GPHN: variants seen among roughly 807,000 people sequenced by gnomAD.
GPHN encodes gephyrin.
In GPHN, 17 loss-of-function variants were observed where a neutral mutation model predicts 95.5. The ratio of observed to expected loss-of-function variants is 0.18; its 90% CI spans 0.12 to 0.27. The LOEUF (loss-of-function observed/expected upper bound fraction) is 0.27, where lower values mean the gene tolerates loss of function less well. GPHN is among the 10% of genes least tolerant of loss of function. The pLI, the probability that GPHN is intolerant of heterozygous loss-of-function variation, is 1.00. For missense variants in GPHN, 660 were observed against 978.1 expected (o/e 0.67, Z 4.34); for synonymous variants, 320 against 322.5 (o/e 0.99, Z 0.08).
At chr14:67,046,630 A>G (rs1352269805) in intron 10 of GPHN, among the ~76,000 whole-genome samples, 1 of 152,164 alleles carries the variant, frequency 6.6e-6, no homozygotes, top group Non-Finnish European at 1.5e-5. Context: ...GAACTTCCAT[A>G]TTTTTTAATC....
chr14:66,645,131 T>A (rs1201103027), intron 1 of GPHN, among the ~76,000 whole-genome samples: 3 of 152,182 alleles, frequency 2.0e-5, no homozygotes, highest in African/African-American at 7.2e-5. Context: ...TTGTAATTTT[T>A]AATTGCTTCT....
intron 1 of GPHN, among the ~76,000 whole-genome samples, chr14:66,642,661 A>G (rs973515685): frequency 1.3e-5 from 2 of 151,484 alleles, no homozygotes; most frequent in Non-Finnish European, 2.9e-5. Context: ...TTTGAGCTGC[A>G]AAGTTTGTTC....
intron 18 of GPHN, among the ~76,000 whole-genome samples, chr14:67,144,250 A>AATATATATATATATATATAT (rs71129810): frequency 1.7e-5 from 1 of 57,768 alleles, no homozygotes; most frequent in Non-Finnish European, 2.9e-5. Context: ...AAAAAAAAAA[A>AATATATATATATATATATAT]ATATATATAT....
intron 9 of GPHN, among the ~76,000 whole-genome samples, chr14:67,004,407 G>A (rs1469586107): frequency 6.6e-6 from 1 of 151,680 alleles, no homozygotes; most frequent in African/African-American, 2.4e-5. Flanking sequence ...AGTAGATATT[G>A]CCATATTAAG....
intron 21 of GPHN, among the ~76,000 whole-genome samples, chr14:67,172,315 T>C (rs2082644950): frequency 6.6e-6 from 1 of 152,126 alleles, no homozygotes; most frequent in Non-Finnish European, 1.5e-5. Flanking sequence ...AAACAGTATC[T>C]TGGCTGCTCA....
At chr14:67,389,698 A>G in the GPHN span, among the ~76,000 whole-genome samples, 6 of 151,552 alleles carry the variant, frequency 4.0e-5, no homozygotes, top group African/African-American at 1.5e-4. Context: ...GAGACAGCAG[A>G]CTCATCAGGG....
At position 66,922,787 on chromosome 14, in the gene GPHN, T is replaced by C; in HGVS notation, c.578T>C (p.Leu193Pro). The change falls in exon 7 of 23, where the codon CTT (leucine) becomes CCT (proline). Residue 193 changes from leucine to proline, a missense_variant. Leu to Pro is a moderately conservative substitution (Grantham distance 98). Transcript: ENST00000478722. The part of the protein sequence containing the change: ...LEDLPSPPPP[L>P]SPPPTTSPHK... The stretch of plus-strand genomic sequence containing the variant: ...GATTTGCCTTCCCCACCTCCCCCTC[T>C]TTCCCCTCCTCCTACTACCAGCCCC... The C allele has an allele frequency of 6.2e-7, 1 of 1,609,350 alleles. No homozygotes were observed. Among genetic ancestry groups the C allele is most frequent in the South Asian group, 1.1e-5 (1 of 90,966 alleles).
the GPHN span, chr14:67,447,331 C>T: frequency 2.6e-5 from 4 of 152,236 alleles, no homozygotes; most frequent in South Asian, 8.3e-4. Flanking sequence ...TTCCTAATAC[C>T]ATCAGCTTGG....
intron 8 of GPHN, among the ~76,000 whole-genome samples, chr14:66,940,121 G>A (rs1409757065): frequency 3.9e-5 from 6 of 151,956 alleles, no homozygotes; most frequent in African/African-American, 1.4e-4. Context: ...ATCAGTTTAA[G>A]GTTTGGGAAA....
At chr14:66,577,156 A>G (rs1039920645) in intron 1 of GPHN, among the ~76,000 whole-genome samples, 6 of 152,182 alleles carry the variant, frequency 3.9e-5, no homozygotes, top group African/African-American at 1.2e-4. Flanking sequence ...ATTTCTAACT[A>G]ACTCCCAGAT....
chr14:67,537,747 C>T, the GPHN span, among the ~76,000 whole-genome samples: 1 of 152,180 alleles, frequency 6.6e-6, no homozygotes, highest in Non-Finnish European at 1.5e-5. Flanking sequence ...GATCCCAGGT[C>T]AAATTTGTGT....
At chr14:66,887,293 A>G (rs530717866) in intron 5 of GPHN, among the ~76,000 whole-genome samples, 2 of 152,190 alleles carry the variant, frequency 1.3e-5, no homozygotes, top group Admixed American at 6.5e-5. Context: ...AAGCCTCACT[A>G]AAAGACTGAG....
At chr14:67,690,026 A>G in the GPHN span, 6 of 577,096 alleles carry the variant, frequency 1.0e-5, no homozygotes, top group Non-Finnish European at 1.9e-5. Context: ...TCAAAGTCAG[A>G]GTCTCACTGT....
At chr14:66,825,756 A>C (rs1369052400) in intron 4 of GPHN, among the ~76,000 whole-genome samples, 6 of 152,202 alleles carry the variant, frequency 3.9e-5, no homozygotes, top group Admixed American at 3.9e-4. Flanking sequence ...TTTGGCTTTT[A>C]AAGCAATCAA....
At chr14:66,766,376 A>G (rs1268466493) in intron 2 of GPHN, among the ~76,000 whole-genome samples, 3 of 152,152 alleles carry the variant, frequency 2.0e-5, no homozygotes, top group African/African-American at 4.8e-5. Flanking sequence ...CCCTAGAAGG[A>G]CTACACTTTA....
At chr14:66,811,316 A>G (rs934140349) in intron 3 of GPHN, among the ~76,000 whole-genome samples, 1 of 152,094 alleles carries the variant, frequency 6.6e-6, no homozygotes, top group Non-Finnish European at 1.5e-5. Flanking sequence ...AAAAGAAAGG[A>G]TTTGTCATTC....
chr14:66,889,892 G>A (rs1270891384), intron 5 of GPHN, among the ~76,000 whole-genome samples: 2 of 151,686 alleles, frequency 1.3e-5, no homozygotes, highest in Non-Finnish European at 2.9e-5. Flanking sequence ...GAAAAAAAAA[G>A]AAACTCAAAT....
Position 66,921,216 on chromosome 14 carries a change from G to A in GPHN, c.457-1450G>A, listed in dbSNP as rs374694607. ...TCACTAGTTTACATTCCCACCAGCAGTGTAGAAGTGTTCCCTGTTTACCGC... is the reference window on the plus strand; with the variant it reads ...TCACTAGTTTACATTCCCACCAGCAATGTAGAAGTGTTCCCTGTTTACCGC... On this transcript the variant is annotated intron_variant, in intron 6 of 22. Transcript: ENST00000478722. Among the ~76,000 whole-genome samples, 6 of 152,170 alleles carry A rather than the reference G, an allele frequency of 3.9e-5. No individual in the cohort carries two copies. The East Asian group carries it at 1.2e-3, about 29-fold the overall frequency.
At chr14:67,086,614 T>A (rs1371998699) in intron 11 of GPHN, among the ~76,000 whole-genome samples, 1 of 145,310 alleles carries the variant, frequency 6.9e-6, no homozygotes, top group African/African-American at 2.6e-5. Flanking sequence ...ATTGCGCCAC[T>A]GCACTCCAGC....
Sources: allele counts gnomAD v4.1 joint callset (sites outside exome capture counted in the v4.1 genomes callset), GRCh38; gene constraint gnomAD v4.1.1; transcripts MANE v1.5; gene names NCBI Gene and HGNC (gene_info 2026-07-23, HGNC 2026-07-21).